Variants in MAGI2 observed in about 807,000 individuals in gnomAD.
The protein encoded by MAGI2 is membrane-associated guanylate kinase, WW and PDZ domain-containing protein 2.
A neutral mutation model predicts 133.3 loss-of-function variants in MAGI2; 35 were observed. The ratio of observed to expected loss-of-function variants is 0.26; its 90% CI spans 0.20 to 0.35. The LOEUF (loss-of-function observed/expected upper bound fraction) is 0.35. MAGI2 is among the 10% of genes least tolerant of loss of function. MAGI2 has a pLI of 1.00. For synonymous variants in MAGI2, 729 were observed against 710.6 expected, an observed-to-expected ratio of 1.03 and a Z score of -0.41; for missense variants, 1,636 against 1,863.4, an observed-to-expected ratio of 0.88 and a Z score of 2.25.
At chr7:78,429,702 T>C (rs943566815) in intron 6 of MAGI2, among the ~76,000 whole-genome samples, 6 of 151,954 alleles carry the variant, frequency 3.9e-5, no homozygotes, top group East Asian at 1.9e-4. Context: ...AAATGGTGAC[T>C]ATACCTAATA....
intron 10 of MAGI2, among the ~76,000 whole-genome samples, chr7:78,231,541 T>G (rs7783680): frequency 0.31 from 47,144 of 152,266 alleles, 8,569 homozygotes; most frequent in Non-Finnish European, 0.4. Context: ...TATTTCACCA[T>G]ACAAGCACTG....
chr7:78,818,136 T>C (rs545491419), intron 2 of MAGI2, among the ~76,000 whole-genome samples: 1 of 152,194 alleles, frequency 6.6e-6, no homozygotes, highest in African/African-American at 2.4e-5. Flanking sequence ...ATCATTAATA[T>C]TGGTGATGAA....
intron 18 of MAGI2, among the ~76,000 whole-genome samples, chr7:78,129,355 ACTTTTAAGTGAATAATATACCAG>A (rs1821313486): frequency 6.6e-6 from 1 of 152,180 alleles, no homozygotes; most frequent in Admixed American, 6.5e-5. Context: ...AGTGTTGCTA[ACTTTTAAGTGAATAATATACCAG>A]CTAGGGCAAA....
At chr7:78,429,696 G>T (rs1311331475) in intron 6 of MAGI2, among the ~76,000 whole-genome samples, 1 of 151,600 alleles carries the variant, frequency 6.6e-6, no homozygotes, top group African/African-American at 2.4e-5. Context: ...TTTTAAAAAT[G>T]GTGACTATAC....
chr7:79,182,322 A>T (rs922211900), intron 1 of MAGI2, among the ~76,000 whole-genome samples: 1 of 152,014 alleles, frequency 6.6e-6, no homozygotes, highest in African/African-American at 2.4e-5. Flanking sequence ...GAAGGCAAGG[A>T]GGAGCAAGTC....
chr7:78,998,999 C>T (rs1806588520), intron 2 of MAGI2, among the ~76,000 whole-genome samples: 1 of 152,100 alleles, frequency 6.6e-6, no homozygotes. Context: ...AAACTGTTGA[C>T]TGGCTTTTCC....
intron 9 of MAGI2, among the ~76,000 whole-genome samples, chr7:78,266,947 G>T (rs774679763): frequency 4.6e-5 from 7 of 152,226 alleles, no homozygotes; most frequent in African/African-American, 1.2e-4. Context: ...TTTGAAAAAA[G>T]GTACTGTTTG....
chr7:78,327,367 G>A (rs974088597), intron 9 of MAGI2, among the ~76,000 whole-genome samples: 5 of 152,178 alleles, frequency 3.3e-5, no homozygotes, highest in African/African-American at 7.2e-5. Context: ...CAAAGGAAGC[G>A]AGTCCACTGC....
At chr7:79,141,814 C>A (rs1172515865) in intron 1 of MAGI2, among the ~76,000 whole-genome samples, 4 of 151,936 alleles carry the variant, frequency 2.6e-5, no homozygotes, top group Non-Finnish European at 5.9e-5. Flanking sequence ...TTCTTAACAT[C>A]TCCTTAGCTG....
chr7:78,224,570 G>A (rs1424619848), intron 10 of MAGI2, among the ~76,000 whole-genome samples: 3 of 152,234 alleles, frequency 2.0e-5, no homozygotes, highest in African/African-American at 2.4e-5. Flanking sequence ...GGAGGCTGAC[G>A]CAGGGGGATG....
intron 1 of MAGI2, among the ~76,000 whole-genome samples, chr7:79,284,161 A>G (rs1835844476): frequency 1.3e-5 from 2 of 152,130 alleles, no homozygotes; most frequent in African/African-American, 4.8e-5. Flanking sequence ...CTTAAGCAAC[A>G]CATGCTGTGA....
chr7:78,440,674 G>A (rs1197102642), intron 6 of MAGI2, among the ~76,000 whole-genome samples: 1 of 152,166 alleles, frequency 6.6e-6, no homozygotes, highest in Non-Finnish European at 1.5e-5. Flanking sequence ...GAGAGAGGAT[G>A]GGCGTGGTGG....
At chr7:78,102,922 G>C (rs1438047407) in intron 20 of MAGI2, among the ~76,000 whole-genome samples, 1 of 152,102 alleles carries the variant, frequency 6.6e-6, no homozygotes, top group Non-Finnish European at 1.5e-5. Context: ...ATACCTACCC[G>C]GGGGGATTCT....
chr7:79,065,561 A>T (rs1040007594), intron 1 of MAGI2, among the ~76,000 whole-genome samples: 1 of 151,908 alleles, frequency 6.6e-6, no homozygotes, highest in African/African-American at 2.4e-5. Flanking sequence ...CCAAAAAAGC[A>T]ATTTTTCTTT....
intron 1 of MAGI2, among the ~76,000 whole-genome samples, chr7:79,131,849 G>T (rs16886433): frequency 0.02 from 2,960 of 151,670 alleles, 115 homozygotes; most frequent in African/African-American, 0.068. Flanking sequence ...TCAATGTTTC[G>T]CAAATTTGAA....
At chr7:79,125,318 G>T in intron 1 of MAGI2, 1 of 463,764 alleles carries the variant, frequency 2.2e-6, no homozygotes. Context: ...GCCAGAGGTT[G>T]GCATGGTTCT....
At chr7:78,497,766 T>TCTATCTATCTATCTATCTA (rs1385517709) in intron 5 of MAGI2, among the ~76,000 whole-genome samples, 2 of 135,312 alleles carry the variant, frequency 1.5e-5, no homozygotes, top group African/African-American at 2.7e-5. Context: ...CTATCTATCT[T>TCTATCTATCTATCTATCTA]TCTATCTTAT....
At chr7:78,504,929 T>G (rs535072329) in intron 4 of MAGI2, among the ~76,000 whole-genome samples, 98 of 152,228 alleles carry the variant, frequency 6.4e-4, no homozygotes, top group African/African-American at 2.2e-3. Flanking sequence ...TGTATAGTAT[T>G]AATCCTATTT....
At chr7:78,635,071 G>A (rs1011278794) in intron 2 of MAGI2, among the ~76,000 whole-genome samples, 12 of 152,100 alleles carry the variant, frequency 7.9e-5, no homozygotes, top group Admixed American at 7.9e-4. Context: ...ATTAAGTACT[G>A]TATGAACAAC....
Sources: allele counts gnomAD v4.1 joint callset (sites outside exome capture counted in the v4.1 genomes callset), GRCh38; gene constraint gnomAD v4.1.1; transcripts MANE v1.5; gene names NCBI Gene and HGNC (gene_info 2026-07-23, HGNC 2026-07-21).